The following CCSER1 variants were observed in gnomAD, a reference collection of about 807,000 sequenced individuals.
The protein encoded by CCSER1 is serine-rich coiled-coil domain-containing protein 1.
In CCSER1, 41 loss-of-function variants were observed where a neutral mutation model predicts 82.0. The observed-to-expected ratio is 0.50, with a 90% CI of 0.39 to 0.65. The LOEUF (loss-of-function observed/expected upper bound fraction) is 0.65. Among genes scored for constraint, CCSER1 ranks in the 30% least tolerant of loss-of-function variants. The probability of loss-of-function intolerance (pLI) is 0.00; values close to 1 mark genes in which losing one functional copy is unlikely to be tolerated. For missense variants in CCSER1, 1,119 were observed against 1,064.2 expected, an observed-to-expected ratio of 1.05 and a Z score of -0.72; for synonymous variants, 414 against 383.9, an observed-to-expected ratio of 1.08 and a Z score of -0.92.
At chr4:91,517,780 GTGTGTT>G (rs781711058) in intron 10 of CCSER1, among the ~76,000 whole-genome samples, 2,883 of 134,854 alleles carry the variant, frequency 0.021, 44 homozygotes, top group Non-Finnish European at 0.03. Flanking sequence ...GTGTGTGTGT[GTGTGTT>G]TAACTTTGAT....
At chr4:90,857,664 C>CCAACTGT (rs1434108830) in intron 8 of CCSER1, among the ~76,000 whole-genome samples, 3 of 152,028 alleles carry the variant, frequency 2.0e-5, no homozygotes, top group African/African-American at 7.2e-5. Flanking sequence ...TTCTCAACCT[C>CCAACTGT]CAACTGTCAT....
At chr4:91,229,542 T>A (rs1279681888) in intron 10 of CCSER1, among the ~76,000 whole-genome samples, 1 of 152,138 alleles carries the variant, frequency 6.6e-6, no homozygotes, top group Non-Finnish European at 1.5e-5. Flanking sequence ...ACATGTATGT[T>A]TATTGCGGCA....
intron 10 of CCSER1, among the ~76,000 whole-genome samples, chr4:91,160,357 C>T (rs1348946781): frequency 1.3e-5 from 2 of 152,138 alleles, no homozygotes; most frequent in South Asian, 4.2e-4. Flanking sequence ...AGTAAACATA[C>T]TTGTACATGT....
rs1758824765 is a variant in CCSER1 at position 91,496,582 on chromosome 4, ATATACACGAATATATAT to A, written c.2218-101988_2218-101972del. On this transcript the variant is annotated intron_variant, in intron 10 of 10. Transcript: ENST00000509176. ...AAATCTTGTATATATATATATATAT[ATATACACGAATATATAT>A]TTGAATATATATATACACGAATATA... Among the ~76,000 whole-genome samples, 2 of 50,038 alleles carry A rather than the reference ATATACACGAATATATAT, an allele frequency of 4.0e-5. 1 individual carries two copies. The highest frequency in any genetic ancestry group is 9.1e-5 in the Non-Finnish European group (2 of 22,092). The allele number at this position is 50,038 out of a possible 152,430, so 32.8% of individuals were successfully genotyped here.
intron 10 of CCSER1, among the ~76,000 whole-genome samples, chr4:91,176,529 C>T (rs1733391996): frequency 6.6e-6 from 1 of 152,042 alleles, no homozygotes; most frequent in South Asian, 2.1e-4. Context: ...TGAAGAGGTC[C>T]TTCACATCCC....
rs1758860686 is a variant in CCSER1 at position 91,496,668 on chromosome 4, ATT to A, written c.2218-101903_2218-101902del. Among the ~76,000 whole-genome samples, 3 of 30,288 alleles carry A rather than the reference ATT, an allele frequency of 9.9e-5. 1 individual carries two copies. Among genetic ancestry groups the A allele is most frequent in the African/African-American group, 2.5e-4 (3 of 12,236 alleles). The allele number at this position is 30,288 out of a possible 152,430, so 19.9% of individuals were successfully genotyped here. ...TTCAATATATATTGAATATATATAT[ATT>A]CAATATATTTGAATATATATATATT... On this transcript the variant is annotated intron_variant, in intron 10 of 10. Coordinates refer to ENST00000509176, the MANE Select transcript of CCSER1 (RefSeq NM_001145065.2).
intron 9 of CCSER1, among the ~76,000 whole-genome samples, chr4:91,052,174 T>C (rs947654720): frequency 3.9e-5 from 6 of 152,066 alleles, no homozygotes; most frequent in East Asian, 1.9e-4. Flanking sequence ...ATTTTAATAA[T>C]TTATTTGCTA....
intron 8 of CCSER1, among the ~76,000 whole-genome samples, chr4:90,876,898 C>G (rs994556980): frequency 1.3e-5 from 2 of 152,018 alleles, no homozygotes; most frequent in Admixed American, 1.3e-4. Flanking sequence ...CTTTTTGTCT[C>G]AGAGTTATTT....
chr4:91,574,616 A>G (rs1763350636), intron 10 of CCSER1, among the ~76,000 whole-genome samples: 1 of 152,172 alleles, frequency 6.6e-6, no homozygotes, highest in African/African-American at 2.4e-5. Flanking sequence ...GCTGGAGTCC[A>G]TTATCCTAAG....
intron 10 of CCSER1, among the ~76,000 whole-genome samples, chr4:91,528,366 T>C (rs890405211): frequency 7.2e-5 from 11 of 152,200 alleles, no homozygotes; most frequent in Admixed American, 5.9e-4. Flanking sequence ...TATTCTAACT[T>C]CTAACCTCCT....
chr4:91,540,980 G>A (rs1761562213), intron 10 of CCSER1, among the ~76,000 whole-genome samples: 1 of 152,054 alleles, frequency 6.6e-6, no homozygotes, highest in South Asian at 2.1e-4. Flanking sequence ...AATAATGTCA[G>A]TCTTCCAACT....
chr4:91,541,809 T>G (rs550844991), intron 10 of CCSER1, among the ~76,000 whole-genome samples: 1 of 152,298 alleles, frequency 6.6e-6, no homozygotes, highest in East Asian at 1.9e-4. Flanking sequence ...CCACACTGTC[T>G]TCCACAATGG....
rs190590976 is a variant in CCSER1 at position 91,357,592 on chromosome 4, T to G, written c.2218-240980T>G. ...TAAAAATCTACATTATTATGCCCCTTTATAATCTTTTTACCAAAGGTATAT... is the reference window on the plus strand; with the variant it reads ...TAAAAATCTACATTATTATGCCCCTGTATAATCTTTTTACCAAAGGTATAT... On this transcript the variant is annotated intron_variant, in intron 10 of 10. Transcript: ENST00000509176. 6.7e-4 allele frequency among the ~76,000 whole-genome samples: 102 copies of G among 152,264 alleles called. 1 individual carries two copies. The East Asian group carries it at 0.019, about 28-fold the overall frequency.
intron 8 of CCSER1, among the ~76,000 whole-genome samples, chr4:90,886,790 A>G (rs1392951605): frequency 3.3e-5 from 5 of 152,200 alleles, no homozygotes; most frequent in Admixed American, 1.3e-4. Flanking sequence ...ACCATTATAA[A>G]GAATATTTCT....
chr4:91,376,126 A>C (rs191101329), intron 10 of CCSER1, among the ~76,000 whole-genome samples: 2 of 151,990 alleles, frequency 1.3e-5, no homozygotes, highest in East Asian at 3.9e-4. Context: ...AAAACACAAA[A>C]ATTCCGATAA....
chr4:90,791,707 A>C (rs1006690338), intron 7 of CCSER1, among the ~76,000 whole-genome samples: 2 of 151,858 alleles, frequency 1.3e-5, no homozygotes, highest in Non-Finnish European at 2.9e-5. Context: ...AAAATTAGCC[A>C]GCTACTTGGG....
At chr4:90,440,881 TA>T (rs1759780894) in intron 4 of CCSER1, among the ~76,000 whole-genome samples, 1 of 152,102 alleles carries the variant, frequency 6.6e-6, no homozygotes, top group African/African-American at 2.4e-5. Context: ...TTAAGTTCCT[TA>T]AAAGAAGACA....
At chr4:90,425,365 T>A (rs1428752801) in intron 4 of CCSER1, among the ~76,000 whole-genome samples, 1 of 152,090 alleles carries the variant, frequency 6.6e-6, no homozygotes, top group African/African-American at 2.4e-5. Context: ...TTTCATTTTG[T>A]TATCTCTTCT....
At chr4:90,416,428 C>G (rs541137302) in intron 4 of CCSER1, among the ~76,000 whole-genome samples, 1 of 152,270 alleles carries the variant, frequency 6.6e-6, no homozygotes, top group South Asian at 2.1e-4. Context: ...AGTTAGAATT[C>G]CAGCTCTGCC....
Sources: gnomAD v4.1 joint callset for allele counts (sites outside exome capture counted in the v4.1 genomes callset) on GRCh38, gnomAD v4.1.1 for gene constraint, MANE v1.5 for transcripts, NCBI Gene and HGNC (gene_info 2026-07-23, HGNC 2026-07-21) for gene names.